The following FDCSP variants were observed in gnomAD, a reference collection of about 807,000 sequenced individuals.
FDCSP encodes the protein follicular dendritic cell secreted peptide.
FDCSP carries 8 observed loss-of-function variants against 8.9 expected under a neutral mutation model. The observed-to-expected ratio is 0.90, with a 90% CI of 0.53 to 1.63. The LOEUF is 1.63. Ranked by LOEUF, FDCSP falls within the 40% of genes most tolerant of loss-of-function variation. FDCSP has a pLI of 0.00. For synonymous variants in FDCSP, 34 were observed against 34.5 expected (o/e 0.98, Z 0.06); for missense variants, 101 against 103.6 (o/e 0.98, Z 0.11).
intron 1 of FDCSP, among the ~76,000 whole-genome samples, chr4:70,227,460 AG>A (rs1730006897): frequency 6.6e-6 from 1 of 151,726 alleles, no homozygotes; most frequent in South Asian, 2.1e-4. Flanking sequence ...ATAGATGTAT[AG>A]GAAACATCAA....
At chr4:70,226,258 C>A (rs1578246708) in intron 1 of FDCSP, 76 bp downstream of exon 1, 1 of 151,820 alleles carries the variant, frequency 6.6e-6, no homozygotes, top group African/African-American at 2.4e-5. Context: ...TAGCATCTCT[C>A]CATATATTTT....
chr4:70,228,013 A>G (rs1020722989), intron 1 of FDCSP, among the ~76,000 whole-genome samples: 2 of 151,768 alleles, frequency 1.3e-5, no homozygotes, highest in Non-Finnish European at 2.9e-5. Flanking sequence ...ATTTCTTAAA[A>G]TAAGTCAACA....
chr4:70,227,957 T>C (rs1730017102), intron 1 of FDCSP, among the ~76,000 whole-genome samples: 1 of 151,808 alleles, frequency 6.6e-6, no homozygotes, highest in Non-Finnish European at 1.5e-5. Context: ...TGATGGCTGC[T>C]GAATGATCAG....
intron 1 of FDCSP, among the ~76,000 whole-genome samples, chr4:70,228,631 AT>A (rs1365364228): frequency 1.8e-4 from 27 of 151,856 alleles, no homozygotes; most frequent in Admixed American, 1.8e-3. Flanking sequence ...AAATGTATTT[AT>A]TTAATAATGA....
intron 1 of FDCSP, among the ~76,000 whole-genome samples, chr4:70,227,563 A>C (rs1730008299): frequency 7.5e-6 from 1 of 133,726 alleles, no homozygotes; most frequent in Non-Finnish European, 1.7e-5. Flanking sequence ...CCAATGTAAA[A>C]TATTAAATTA....
chr4:70,233,320 C>T (rs780358062), intron 3 of FDCSP, among the ~76,000 whole-genome samples: 1 of 151,604 alleles, frequency 6.6e-6, no homozygotes. Context: ...TAACTCAGAC[C>T]TCCACTCTGC....
At chr4:70,228,346 T>C (rs1413976503) in intron 1 of FDCSP, among the ~76,000 whole-genome samples, 2 of 151,838 alleles carry the variant, frequency 1.3e-5, no homozygotes, top group African/African-American at 2.4e-5. Context: ...TTAAGTCACA[T>C]GTTCAAGCTT....
Position 70,234,203 on chromosome 4 carries a change from C to A in FDCSP, c.*16C>A. 6.2e-7 allele frequency: 1 copy of A among 1,603,746 alleles called. No homozygotes were observed. The highest frequency in any genetic ancestry group is 8.5e-7 in the Non-Finnish European group (1 of 1,173,904). ...CGAAAAGTAAACAAGAAGGAAAAGT[C>A]ACGATAAACCTGGTAAGTACACATA... On this transcript the variant is annotated 3_prime_UTR_variant, in exon 4 of 5. Coordinates refer to ENST00000317987, the MANE Select transcript of FDCSP (RefSeq NM_152997.4).
intron 1 of FDCSP, among the ~76,000 whole-genome samples, chr4:70,229,982 G>A (rs147131201): frequency 8.8e-4 from 134 of 151,700 alleles, no homozygotes; most frequent in Non-Finnish European, 1.4e-3. Flanking sequence ...AGACTTGCTC[G>A]ATGCCGGATT....
intron 1 of FDCSP, among the ~76,000 whole-genome samples, chr4:70,227,557 T>A (rs1371771496): frequency 7.2e-6 from 1 of 138,336 alleles, no homozygotes; most frequent in Non-Finnish European, 1.6e-5. Flanking sequence ...TTTTCCCCAA[T>A]GTAAAATATT....
Position 70,231,270 on chromosome 4 carries a change from A to C in FDCSP, c.57+19A>C. The C allele has an allele frequency of 6.3e-7, 1 of 1,578,800 alleles. No homozygotes were observed. The highest frequency in any genetic ancestry group is 8.6e-7 in the Non-Finnish European group (1 of 1,158,884). On this transcript the variant is annotated intron_variant, in intron 2 of 4. Coordinates refer to ENST00000317987, the MANE Select transcript of FDCSP (RefSeq NM_152997.4). ...TTTCCCAGTAAGTATCCACGTATAC[A>C]TTCCAAAATATTTATGTATGGCCAT...
At chr4:70,231,557 T>C (rs1316793283) in intron 2 of FDCSP, among the ~76,000 whole-genome samples, 1 of 151,704 alleles carries the variant, frequency 6.6e-6, no homozygotes, top group East Asian at 1.9e-4. Flanking sequence ...TAGTCATGTG[T>C]TCATGTGTTT....
At chr4:70,234,241 G>T in intron 4 of FDCSP, 26 bp downstream of exon 4, 2 of 1,465,578 alleles carry the variant, frequency 1.4e-6, no homozygotes, top group Non-Finnish European at 1.8e-6. Flanking sequence ...TACAATCATA[G>T]TTTATTTTAA....
chr4:70,227,307 C>T (rs963329123), intron 1 of FDCSP, among the ~76,000 whole-genome samples: 2 of 151,628 alleles, frequency 1.3e-5, no homozygotes, highest in Non-Finnish European at 2.9e-5. Context: ...TGAACTTGAC[C>T]GGAATTTTAC....
rs1397015348 is a variant in FDCSP at position 70,230,247 on chromosome 4, A to G, written c.1-948A>G. On this transcript the variant is annotated intron_variant, in intron 1 of 4. Transcript: ENST00000317987. ...CTTTAGCACATACTGCATTCACACC[A>G]TGACAAAGAAGAGGATTAATGCCTA... Among the ~76,000 whole-genome samples the G allele has an allele frequency of 5.3e-5, 8 of 151,716 alleles. No individual in the cohort carries two copies. In the East Asian group the frequency reaches 1.2e-3, roughly 22 times the overall value.
chr4:70,231,619 G>C (rs762936010), intron 2 of FDCSP, among the ~76,000 whole-genome samples: 9 of 151,660 alleles, frequency 5.9e-5, no homozygotes, highest in Non-Finnish European at 8.9e-5. Context: ...TATAAGAATA[G>C]AGCACAAAAA....
Position 70,234,167 on chromosome 4 carries a change from C to G in FDCSP, c.238C>G (p.Pro80Ala). 6.2e-7 allele frequency: 1 copy of G among 1,609,826 alleles called. No homozygotes were observed. The highest frequency in any genetic ancestry group is 8.5e-7 in the Non-Finnish European group (1 of 1,177,548). ...AATACCTGAATCTGCCCCTACAACT[C>G]CCCTTCCTAGCGAAAAGTAAACAAG... is the stretch of plus-strand genomic sequence containing the variant. The part of the protein sequence containing the change: ...IPIPESAPTT[P>A]LPSEK Residue 80 changes from proline to alanine, a missense_variant, in exon 4 of 5, where the codon CCC becomes GCC. Transcript: ENST00000317987.
chr4:70,231,147 T>A, intron 1 of FDCSP, 48 bp from the exon 2 acceptor site: 1 of 1,450,184 alleles, frequency 6.9e-7, no homozygotes, highest in Non-Finnish European at 9.5e-7. Flanking sequence ...AGGATATTTA[T>A]GAATAAAATG....
At chr4:70,231,661 T>C (rs1403644044) in intron 2 of FDCSP, among the ~76,000 whole-genome samples, 1 of 151,734 alleles carries the variant, frequency 6.6e-6, no homozygotes. Flanking sequence ...TAAACAACTA[T>C]GTTACTGGTT....
Sources: allele counts gnomAD v4.1 joint callset (sites outside exome capture counted in the v4.1 genomes callset), GRCh38; gene constraint gnomAD v4.1.1; transcripts MANE v1.5; gene names NCBI Gene and HGNC (gene_info 2026-07-23, HGNC 2026-07-21).